Variants in CDH22 observed in about 807,000 individuals in gnomAD.
The protein encoded by CDH22 is cadherin 22.
Under a neutral mutation model 58.4 loss-of-function variants are expected in CDH22, and 30 were observed. That is an observed-to-expected ratio of 0.51 (90% CI 0.38 to 0.70). CDH22 has a LOEUF of 0.70. Ranked by LOEUF, CDH22 falls within the 30% of genes least tolerant of loss-of-function variation. The probability of loss-of-function intolerance (pLI) is 0.00; values close to 1 mark genes in which losing one functional copy is unlikely to be tolerated. For missense variants in CDH22, 1,014 were observed against 1,233.9 expected, an observed-to-expected ratio of 0.82 and a Z score of 2.67; for synonymous variants, 513 against 558.2, an observed-to-expected ratio of 0.92 and a Z score of 1.14.
chr20:46,265,398 C>G (rs1161796974), intron 1 of CDH22, among the ~76,000 whole-genome samples: 1 of 152,148 alleles, frequency 6.6e-6, no homozygotes, highest in Admixed American at 6.5e-5. Flanking sequence ...ATCATACATG[C>G]ATAGTTTAAC....
At chr20:46,246,380 C>T (rs2086329104) in intron 2 of CDH22, among the ~76,000 whole-genome samples, 1 of 152,206 alleles carries the variant, frequency 6.6e-6, no homozygotes, top group Admixed American at 6.5e-5. Flanking sequence ...TAGATCTCAC[C>T]ACCTACAGGA....
intron 6 of CDH22, among the ~76,000 whole-genome samples, chr20:46,211,095 C>T (rs1479148766): frequency 5.9e-5 from 9 of 152,184 alleles, no homozygotes; most frequent in East Asian, 1.9e-4. Context: ...CCCGATAAGC[C>T]GGGCTGCCTT....
chr20:46,222,264 T>C (rs1386328197), intron 4 of CDH22, among the ~76,000 whole-genome samples: 1 of 152,178 alleles, frequency 6.6e-6, no homozygotes, highest in Non-Finnish European at 1.5e-5. Context: ...GTTCATCCCG[T>C]GTCTATAGGG....
At chr20:46,255,641 C>G (rs528841473) in intron 1 of CDH22, among the ~76,000 whole-genome samples, 1 of 152,326 alleles carries the variant, frequency 6.6e-6, no homozygotes, top group South Asian at 2.1e-4. Context: ...GCTAGGTGCC[C>G]TGGCAGCCTG....
chr20:46,212,593 G>C (rs2086051146), intron 6 of CDH22, among the ~76,000 whole-genome samples: 2 of 152,208 alleles, frequency 1.3e-5, no homozygotes, highest in South Asian at 4.1e-4. Flanking sequence ...CCTTGGGTAA[G>C]CCCCTTTACC....
chr20:46,244,583 A>G (rs2086315122), intron 2 of CDH22, among the ~76,000 whole-genome samples: 1 of 152,218 alleles, frequency 6.6e-6, no homozygotes, highest in African/African-American at 2.4e-5. Context: ...TGGGGTTTGT[A>G]AATGTATCCC....
intron 7 of CDH22, among the ~76,000 whole-genome samples, chr20:46,209,409 A>G (rs976386693): frequency 2.0e-5 from 3 of 152,076 alleles, no homozygotes; most frequent in Admixed American, 6.5e-5. Context: ...GGGAGGCCAG[A>G]GCTGTCATTG....
chr20:46,190,264 C>A (rs1331062731), intron 8 of CDH22, among the ~76,000 whole-genome samples: 1 of 152,178 alleles, frequency 6.6e-6, no homozygotes, highest in Non-Finnish European at 1.5e-5. Flanking sequence ...CTTGTTAAAC[C>A]CACTTTCTGG....
chr20:46,295,523 G>C (rs2086625357), intron 1 of CDH22, among the ~76,000 whole-genome samples: 5 of 152,322 alleles, frequency 3.3e-5, no homozygotes, highest in South Asian at 2.1e-4. Context: ...CAGCTACTGT[G>C]ATTATCATCT....
chr20:46,291,780 A>C (rs1406601931), intron 1 of CDH22, among the ~76,000 whole-genome samples: 1 of 152,234 alleles, frequency 6.6e-6, no homozygotes, highest in Non-Finnish European at 1.5e-5. Context: ...TCTTGTGGCC[A>C]TATCTGATCT....
chr20:46,284,143 C>T (rs1288750167), intron 1 of CDH22, among the ~76,000 whole-genome samples: 1 of 152,000 alleles, frequency 6.6e-6, no homozygotes, highest in Admixed American at 6.5e-5. Flanking sequence ...GCTGCCTATA[C>T]ACACCGAGAG....
intron 1 of CDH22, among the ~76,000 whole-genome samples, chr20:46,294,739 A>G (rs1600729517): frequency 6.6e-6 from 1 of 152,146 alleles, no homozygotes; most frequent in East Asian, 1.9e-4. Context: ...GAGGGAAAGA[A>G]AGGGGCAAGG....
At chr20:46,307,958 G>A (rs1600733573) in intron 1 of CDH22, among the ~76,000 whole-genome samples, 1 of 151,814 alleles carries the variant, frequency 6.6e-6, no homozygotes, top group Non-Finnish European at 1.5e-5. Flanking sequence ...AGGCTCCCGG[G>A]CGCGCGGCGG....
At chr20:46,218,617 C>T (rs2086102479) in intron 4 of CDH22, among the ~76,000 whole-genome samples, 1 of 149,874 alleles carries the variant, frequency 6.7e-6, no homozygotes, top group African/African-American at 2.4e-5. Flanking sequence ...CACCCCCTCC[C>T]ACAACCAAAT....
At chr20:46,211,523 G>C (rs1420333878) in intron 6 of CDH22, among the ~76,000 whole-genome samples, 1 of 152,186 alleles carries the variant, frequency 6.6e-6, no homozygotes, top group Non-Finnish European at 1.5e-5. Flanking sequence ...CCATCAGTCT[G>C]CTCCCTGAGC....
At chr20:46,260,982 C>T (rs1275673020) in intron 1 of CDH22, among the ~76,000 whole-genome samples, 2 of 152,120 alleles carry the variant, frequency 1.3e-5, no homozygotes, top group Non-Finnish European at 2.9e-5. Context: ...GCACCCCTGC[C>T]TCCTCCCCCA....
chr20:46,210,420 G>GA lies in CDH22; in HGVS notation c.1172_1173insT (p.Glu393ArgfsTer41). On this transcript the variant is annotated frameshift_variant, in exon 7 of 12. Transcript: ENST00000537909. LOFTEE classifies it high-confidence loss of function. The surrounding 1 kb of genome is among the most constrained non-coding windows in gnomAD (Gnocchi z 4.5). ...GGCCGGAGGGCGGCCGGAACTCGGGGGGCTCGTCCACGTCGGTCACGGCCA... is the reference window on the plus strand; with the variant it reads ...GGCCGGAGGGCGGCCGGAACTCGGGGAGGCTCGTCCACGTCGGTCACGGCCA... The GA allele has an allele frequency of 6.9e-7, 1 of 1,458,614 alleles. No homozygotes were observed. Among genetic ancestry groups the GA allele is most frequent in the Non-Finnish European group, 9.0e-7 (1 of 1,105,556 alleles). The allele number at this position is 1,458,614 out of a possible 1,614,324, so 90.4% of individuals were successfully genotyped here.
chr20:46,277,669 C>T (rs2086526212), intron 1 of CDH22, among the ~76,000 whole-genome samples: 1 of 151,760 alleles, frequency 6.6e-6, no homozygotes, highest in African/African-American at 2.4e-5. Context: ...GAGGGCCCGC[C>T]CCCCACTGGT....
chr20:46,247,063 G>T (rs1392256433), intron 2 of CDH22, among the ~76,000 whole-genome samples: 2 of 152,130 alleles, frequency 1.3e-5, no homozygotes, highest in East Asian at 3.9e-4. Flanking sequence ...CCACTTAGTG[G>T]TAAGAAACTA....
Sources: gnomAD v4.1 joint callset for allele counts (sites outside exome capture counted in the v4.1 genomes callset) on GRCh38, gnomAD v4.1.1 for gene constraint, Gnocchi (gnomAD v3.1) non-coding constraint, MANE v1.5 for transcripts, NCBI Gene and HGNC (gene_info 2026-07-23, HGNC 2026-07-21) for gene names.